The following SMIM31 variants were observed in gnomAD, a reference collection of about 807,000 sequenced individuals.
SMIM31 encodes human epithelial cell program regulator.
intron 1 of SMIM31, among the ~76,000 whole-genome samples, chr4:164,761,700 C>T (rs751644423): frequency 1.2e-4 from 18 of 151,678 alleles, no homozygotes; most frequent in Admixed American, 4.6e-4. Context: ...GGGTGTCTCA[C>T]GAGGTCAGGA....
chr4:164,771,409 G>A (rs901751765), intron 2 of SMIM31, among the ~76,000 whole-genome samples: 1 of 152,154 alleles, frequency 6.6e-6, no homozygotes, highest in African/African-American at 2.4e-5. Flanking sequence ...AGGACAGGAA[G>A]CCCGGAGGTA....
At chr4:164,783,207 G>C (rs1418932192) in intron 2 of SMIM31, among the ~76,000 whole-genome samples, 9 of 122,034 alleles carry the variant, frequency 7.4e-5, no homozygotes. Flanking sequence ...AACATAGCAA[G>C]ACTCTGTCTC....
At chr4:164,781,863 G>A (rs1221292652) in intron 2 of SMIM31, among the ~76,000 whole-genome samples, 4 of 152,238 alleles carry the variant, frequency 2.6e-5, no homozygotes, top group Non-Finnish European at 5.9e-5. Flanking sequence ...CAGGCATTAA[G>A]GCCAGGAAGA....
intron 2 of SMIM31, among the ~76,000 whole-genome samples, chr4:164,773,177 G>GA (rs749364921): frequency 6.6e-6 from 1 of 152,026 alleles, no homozygotes; most frequent in Non-Finnish European, 1.5e-5. Context: ...ATTAGGGTAG[G>GA]AAAAAATGGG....
intron 2 of SMIM31, among the ~76,000 whole-genome samples, chr4:164,784,893 G>T (rs918969514): frequency 8.9e-6 from 1 of 112,800 alleles, no homozygotes; most frequent in Non-Finnish European, 1.8e-5. Flanking sequence ...TTGTTTATTT[G>T]TTTGGGTTTT....
chr4:164,769,432 A>G (rs1161884378), intron 1 of SMIM31, among the ~76,000 whole-genome samples: 2 of 151,876 alleles, frequency 1.3e-5, no homozygotes, highest in Non-Finnish European at 2.9e-5. Flanking sequence ...TGATGAGTTC[A>G]TGTCCTTTGT....
chr4:164,798,193 A>G (rs987021629), intron 2 of SMIM31, among the ~76,000 whole-genome samples: 13 of 151,828 alleles, frequency 8.6e-5, no homozygotes, highest in Admixed American at 6.6e-5. Flanking sequence ...TGCGATAAAC[A>G]TATGAGTATA....
intron 2 of SMIM31, among the ~76,000 whole-genome samples, chr4:164,771,496 G>A (rs1048831113): frequency 1.3e-5 from 2 of 152,012 alleles, no homozygotes; most frequent in African/African-American, 4.8e-5. Flanking sequence ...TTCCATCTTC[G>A]ACATAAATTT....
intron 1 of SMIM31, among the ~76,000 whole-genome samples, chr4:164,757,821 T>A: frequency 3.6e-5 from 1 of 27,404 alleles, no homozygotes; most frequent in Non-Finnish European, 1.1e-4. Flanking sequence ...ATTACTAAAG[T>A]TTATAGTAAG....
chr4:164,799,378 CT>C (rs978105949), intron 2 of SMIM31, among the ~76,000 whole-genome samples: 5 of 151,750 alleles, frequency 3.3e-5, no homozygotes, highest in Non-Finnish European at 5.9e-5. Context: ...GAGCAAGCCC[CT>C]GTCTCAAAAA....
At chr4:164,787,694 C>A (rs1459795816) in intron 2 of SMIM31, among the ~76,000 whole-genome samples, 1 of 152,010 alleles carries the variant, frequency 6.6e-6, no homozygotes, top group Non-Finnish European at 1.5e-5. Flanking sequence ...TTAATCCCGG[C>A]CTCCAAATCC....
chr4:164,785,182 T>C (rs963002447), intron 2 of SMIM31, among the ~76,000 whole-genome samples: 12 of 151,774 alleles, frequency 7.9e-5, no homozygotes, highest in African/African-American at 2.4e-4. Context: ...GCAGAGATCA[T>C]GTCACTGCAC....
intron 2 of SMIM31, among the ~76,000 whole-genome samples, chr4:164,793,094 C>T (rs1480529301): frequency 6.6e-6 from 1 of 152,062 alleles, no homozygotes; most frequent in Non-Finnish European, 1.5e-5. Flanking sequence ...TTACATTAAG[C>T]AAATATACAC....
At chr4:164,772,413 G>A (rs1458665688) in intron 2 of SMIM31, among the ~76,000 whole-genome samples, 2 of 152,050 alleles carry the variant, frequency 1.3e-5, no homozygotes, top group Non-Finnish European at 2.9e-5. Context: ...GATTCGGGAG[G>A]GAGCACAGAT....
chr4:164,777,831 A>G (rs1407934572), intron 2 of SMIM31, among the ~76,000 whole-genome samples: 1 of 152,240 alleles, frequency 6.6e-6, no homozygotes, highest in African/African-American at 2.4e-5. Context: ...CCAGGTTAGA[A>G]TCGACTTTAT....
At position 164,803,021 on chromosome 4, in the gene SMIM31, C is replaced by T. The variant is rs10005428; in HGVS notation, c.*1827C>T. ...AGCATTTTAAAAAATCTTTGCTGGG[C>T]TGACAAATGGATGAGAGATAGTATA... On this transcript the variant is annotated 3_prime_UTR_variant, in exon 3 of 3. Transcript: ENST00000507311. The T allele has an allele frequency of 0.72, 108,962 of 152,048 alleles. 39,599 individuals are homozygous for T. The highest frequency in any genetic ancestry group is 0.79 in the Non-Finnish European group (53,955 of 68,002). 9.4% of individuals were successfully genotyped at this position (152,048 alleles called of 1,614,324 possible).
chr4:164,772,680 G>A lies in SMIM31; in HGVS notation c.112+2125G>A, dbSNP rs576747830. 7.8e-3 allele frequency among the ~76,000 whole-genome samples: 1,183 copies of A among 151,244 alleles called. 7 individuals carry two copies. The highest frequency in any genetic ancestry group is 0.013 in the Admixed American group (204 of 15,182). On this transcript the variant is annotated intron_variant, in intron 2 of 2. Transcript: ENST00000507311. ...TGCAAGCTCCGCCTCCCGGGTTCAC[G>A]CCATTCTCCTGCCTCAGCCTCCCGT...
At chr4:164,789,098 T>G (rs1413333231) in intron 2 of SMIM31, among the ~76,000 whole-genome samples, 1 of 152,198 alleles carries the variant, frequency 6.6e-6, no homozygotes, top group Non-Finnish European at 1.5e-5. Flanking sequence ...CAAAAGTGAC[T>G]ATTGTTGGAT....
At chr4:164,796,474 C>G (rs1733197316) in intron 2 of SMIM31, among the ~76,000 whole-genome samples, 1 of 152,162 alleles carries the variant, frequency 6.6e-6, no homozygotes, top group Non-Finnish European at 1.5e-5. Flanking sequence ...TTGGGGATCG[C>G]TTTTACCTTG....
Sources: allele counts gnomAD v4.1 joint callset (sites outside exome capture counted in the v4.1 genomes callset), GRCh38; gene constraint gnomAD v4.1.1; transcripts MANE v1.5; gene names NCBI Gene and HGNC (gene_info 2026-07-23, HGNC 2026-07-21).